The following HDAC4 variants were observed in gnomAD, a reference collection of about 807,000 sequenced individuals.
The protein encoded by HDAC4 is histone deacetylase 4.
HDAC4 carries 16 observed loss-of-function variants against 135.1 expected under a neutral mutation model. The ratio of observed to expected loss-of-function variants is 0.12; its 90% CI spans 0.08 to 0.18. The LOEUF (loss-of-function observed/expected upper bound fraction) is 0.18, where lower values mean the gene tolerates loss of function less well. Among genes scored for constraint, HDAC4 ranks in the 10% least tolerant of loss-of-function variants. The pLI, the probability that HDAC4 is intolerant of heterozygous loss-of-function variation, is 1.00. For synonymous variants in HDAC4, 685 were observed against 653.4 expected (o/e 1.05, Z -0.74); for missense variants, 1,143 against 1,511.8 (o/e 0.76, Z 4.05).
chr2:239,117,526 A>C (rs1038349511), intron 12 of HDAC4, among the ~76,000 whole-genome samples: 2 of 140,002 alleles, frequency 1.4e-5, no homozygotes, highest in Non-Finnish European at 3.1e-5. Context: ...CAAAGGCTGG[A>C]GTTGAGAACA....
intron 16 of HDAC4, among the ~76,000 whole-genome samples, chr2:239,098,429 C>T (rs2037313181): frequency 6.6e-6 from 1 of 152,244 alleles, no homozygotes; most frequent in South Asian, 2.1e-4. Context: ...GGGAGGAGGC[C>T]CTCGCTGTGC....
chr2:239,165,392 G>A (rs1398641998), intron 5 of HDAC4, among the ~76,000 whole-genome samples: 3 of 152,282 alleles, frequency 2.0e-5, no homozygotes, highest in East Asian at 1.9e-4. Flanking sequence ...CACTGGACAC[G>A]CGCCGATTTC....
intron 11 of HDAC4, among the ~76,000 whole-genome samples, chr2:239,130,709 C>T (rs2040516416): frequency 6.6e-6 from 1 of 152,224 alleles, no homozygotes; most frequent in Admixed American, 6.5e-5. Context: ...CTCCGGGAAG[C>T]CTTCCCTAGG....
chr2:239,233,912 A>G (rs2047739647), intron 3 of HDAC4, among the ~76,000 whole-genome samples: 1 of 152,256 alleles, frequency 6.6e-6, no homozygotes, highest in Non-Finnish European at 1.5e-5. Context: ...AAGAATAGTT[A>G]AGATTAAATT....
chr2:239,265,982 G>A (rs1393055574), intron 2 of HDAC4, among the ~76,000 whole-genome samples: 4 of 152,168 alleles, frequency 2.6e-5, no homozygotes, highest in East Asian at 1.9e-4. Flanking sequence ...TACACCAACC[G>A]TATGGCAGGA....
At chr2:239,324,883 G>A (rs572987569) in intron 2 of HDAC4, among the ~76,000 whole-genome samples, 3 of 152,310 alleles carry the variant, frequency 2.0e-5, no homozygotes, top group Admixed American at 6.5e-5. Flanking sequence ...AGTCTACACC[G>A]ACCTGGGAAG....
At chr2:239,169,130 C>A (rs1222069039) in intron 5 of HDAC4, among the ~76,000 whole-genome samples, 1 of 152,204 alleles carries the variant, frequency 6.6e-6, no homozygotes, top group Non-Finnish European at 1.5e-5. Context: ...TTTTAGCAAT[C>A]TGAAAAACTC....
intron 9 of HDAC4, among the ~76,000 whole-genome samples, chr2:239,138,698 T>C (rs1226835298): frequency 6.6e-6 from 1 of 152,172 alleles, no homozygotes; most frequent in Admixed American, 6.5e-5. Context: ...TTCTTCCCCG[T>C]GCTCTGGGGG....
rs369327352 is a variant in HDAC4, at chr2:239,053,107, G to A, written c.3260C>T (p.Pro1087Leu). ...AGCTTCGAGGGAGTGCTACAGGGGC[G>A]GCTCCTCTTCCATGGGCTCCTCATC... ...RPDEEPMEEEPPL is the reference protein window; with the variant it reads ...RPDEEPMEEELPL The change falls in exon 27 of 27, where the codon CCG becomes CTG. Residue 1087 changes from proline to leucine, a missense_variant. By Grantham distance (98) the Pro-to-Leu change is moderately conservative. This residue lies in a region of HDAC4 where 131 missense variants were observed against 130.6 expected (regional missense o/e 1.00). Coordinates refer to ENST00000543185, the MANE Select transcript of HDAC4 (RefSeq NM_001378414.1). 4.3e-6 allele frequency: 7 copies of A among 1,614,206 alleles called. No homozygotes were observed. Among genetic ancestry groups the A allele is most frequent in the Admixed American group, 3.3e-5 (2 of 60,030 alleles).
At chr2:239,180,049 G>C (rs2044044980) in intron 4 of HDAC4, among the ~76,000 whole-genome samples, 1 of 152,216 alleles carries the variant, frequency 6.6e-6, no homozygotes, top group African/African-American at 2.4e-5. Flanking sequence ...AAGGTGACGG[G>C]GGCAGGCGGT....
At chr2:239,385,070 C>T (rs1052265662) in intron 1 of HDAC4, among the ~76,000 whole-genome samples, 1 of 152,182 alleles carries the variant, frequency 6.6e-6, no homozygotes, top group Non-Finnish European at 1.5e-5. Context: ...CCATCCCTTC[C>T]CTTCCATCTT....
intron 3 of HDAC4, among the ~76,000 whole-genome samples, chr2:239,194,262 C>T (rs1034113593): frequency 1.3e-5 from 2 of 152,226 alleles, no homozygotes; most frequent in Non-Finnish European, 2.9e-5. Flanking sequence ...GCTATTAATG[C>T]TTTAATTCCT....
intron 3 of HDAC4, among the ~76,000 whole-genome samples, chr2:239,220,193 T>C (rs928325557): frequency 1.3e-5 from 2 of 151,982 alleles, no homozygotes; most frequent in Non-Finnish European, 2.9e-5. Context: ...AATCCAACCA[T>C]GGGAAAAATG....
chr2:239,214,379 G>A (rs902707111), intron 3 of HDAC4, among the ~76,000 whole-genome samples: 2 of 152,224 alleles, frequency 1.3e-5, no homozygotes, highest in Non-Finnish European at 1.5e-5. Flanking sequence ...GGCCCACCCT[G>A]ATGATCCAGG....
rs1345361901 is a variant in HDAC4 at position 239,331,609 on chromosome 2, G to A, written c.22+21069C>T. On this transcript the variant is annotated intron_variant, in intron 2 of 26. Coordinates refer to ENST00000543185, the MANE Select transcript of HDAC4 (RefSeq NM_001378414.1). This position sits in a 1 kb window ranked among gnomAD's most constrained non-coding sequence, Gnocchi z 4.5. ...GGAAGCACACACGGGCCAGGTGAGC[G>A]AACTGCAATGACACGTCGCCAGGGC... 2.6e-5 allele frequency among the ~76,000 whole-genome samples: 4 copies of A among 152,134 alleles called. No individual in the cohort carries two copies. Among genetic ancestry groups the A allele is most frequent in the Non-Finnish European group, 5.9e-5 (4 of 68,010 alleles).
intron 3 of HDAC4, among the ~76,000 whole-genome samples, chr2:239,233,471 A>C (rs937987464): frequency 1.2e-4 from 18 of 151,334 alleles, no homozygotes; most frequent in East Asian, 3.9e-4. Context: ...AAAAAAAAAA[A>C]CAAACCCAAA....
At chr2:239,217,230 G>C (rs2046693189) in intron 3 of HDAC4, among the ~76,000 whole-genome samples, 1 of 152,184 alleles carries the variant, frequency 6.6e-6, no homozygotes, top group Admixed American at 6.5e-5. Context: ...GCTCCCGGAA[G>C]CTCTCCAAAA....
chr2:239,266,643 G>A (rs976796499), intron 2 of HDAC4, among the ~76,000 whole-genome samples: 3 of 152,136 alleles, frequency 2.0e-5, no homozygotes, highest in South Asian at 2.1e-4. Context: ...AAAGGCAAGC[G>A]CTGCAGCTCA....
At chr2:239,114,953 G>T (rs756049544) in intron 13 of HDAC4, 100 bp downstream of exon 13, 2 of 1,418,188 alleles carry the variant, frequency 1.4e-6, no homozygotes, top group Non-Finnish European at 1.9e-6. Context: ...ACCGCGCAAG[G>T]ATGCCCTGCA....
Sources: allele counts gnomAD v4.1 joint callset (sites outside exome capture counted in the v4.1 genomes callset), GRCh38; gene constraint gnomAD v4.1.1; regional missense constraint gnomAD v4.1.1; non-coding constraint Gnocchi (gnomAD v3.1); transcripts MANE v1.5; gene names NCBI Gene and HGNC (gene_info 2026-07-23, HGNC 2026-07-21).